RFX8: variants seen among roughly 807,000 people sequenced by gnomAD.
RFX8 encodes DNA-binding protein RFX8.
RFX8 carries 46 observed loss-of-function variants against 54.6 expected under a neutral mutation model. The ratio of observed to expected loss-of-function variants is 0.84; its 90% confidence interval spans 0.67 to 1.08. The LOEUF is 1.08. RFX8 is among the 50% of genes least tolerant of loss of function. The pLI is 0.00. For synonymous variants in RFX8, 192 were observed against 209.5 expected, an observed-to-expected ratio of 0.92 and a Z score of 0.72; for missense variants, 536 against 562.3, an observed-to-expected ratio of 0.95 and a Z score of 0.47.
chr2:101,410,762 G>T, intron 8 of RFX8, 49 bp from the exon 9 acceptor site: 1 of 970,628 alleles, frequency 1.0e-6, no homozygotes, highest in South Asian at 1.4e-5. Flanking sequence ...CAGCAGAGCA[G>T]AATTTCTCTT....
intron 2 of RFX8, among the ~76,000 whole-genome samples, chr2:101,428,703 TTAGC>T (rs1421079354): frequency 1.3e-5 from 2 of 152,222 alleles, no homozygotes; most frequent in Non-Finnish European, 2.9e-5. Flanking sequence ...CTTTTTAATT[TTAGC>T]TGAAGAAACA....
chr2:101,427,796 C>T (rs112010451), intron 2 of RFX8, among the ~76,000 whole-genome samples: 2,368 of 152,206 alleles, frequency 0.016, 70 homozygotes, highest in African/African-American at 0.054. Context: ...CTTAGCTTCC[C>T]GACTACAAAA....
chr2:101,428,898 A>T, intron 2 of RFX8: 1 of 1,034,850 alleles, frequency 9.7e-7, no homozygotes, highest in Non-Finnish European at 1.5e-6. Context: ...GAATTAAGCA[A>T]TCACTGGTAT....
intron 2 of RFX8, among the ~76,000 whole-genome samples, chr2:101,428,022 G>T (rs1244940269): frequency 6.7e-6 from 1 of 150,288 alleles, no homozygotes; most frequent in Non-Finnish European, 1.5e-5. Flanking sequence ...GGCTGAGCGT[G>T]GTGGCTCACT....
chr2:101,427,701 T>C (rs1687256661), intron 2 of RFX8, among the ~76,000 whole-genome samples: 1 of 152,004 alleles, frequency 6.6e-6, no homozygotes, highest in South Asian at 2.1e-4. Flanking sequence ...CCACAGCCCC[T>C]CTCCCGGACC....
chr2:101,453,539 A>G (rs1688812790), intron 2 of RFX8, among the ~76,000 whole-genome samples: 1 of 152,164 alleles, frequency 6.6e-6, no homozygotes, highest in African/African-American at 2.4e-5. Context: ...CTGAGAGTGC[A>G]TCGCACTCTA....
Position 101,402,549 on chromosome 2 carries a change from C to T in RFX8, c.1132G>A (p.Glu378Lys). Residue 378 changes from glutamate to lysine, a missense_variant, in exon 11 of 12, where the codon GAG becomes AAG. Glu to Lys is a moderately conservative substitution (Grantham distance 56, BLOSUM62 1). Transcript: ENST00000428343. The part of the protein sequence containing the change: ...LSQACASPSM[E>K]PLGVMPTHMG... ...TGTGTGGGCATCACCCCCAGTGGCT[C>T]CATGCTGGGGCTGGCACACGCCTGC... The T allele has an allele frequency of 1.3e-6, 2 of 1,551,828 alleles. No homozygotes were observed. Among genetic ancestry groups the T allele is most frequent in the Non-Finnish European group, 1.7e-6 (2 of 1,147,024 alleles).
intron 2 of RFX8, among the ~76,000 whole-genome samples, chr2:101,449,389 G>A (rs984576657): frequency 2.0e-5 from 3 of 152,162 alleles, no homozygotes; most frequent in African/African-American, 7.2e-5. Flanking sequence ...GGGATCACTG[G>A]AAATAATTTC....
At chr2:101,400,861 C>T (rs1489477684) in intron 11 of RFX8, among the ~76,000 whole-genome samples, 1 of 152,140 alleles carries the variant, frequency 6.6e-6, no homozygotes. Flanking sequence ...AGGGCTCTGC[C>T]GCCAGGTACA....
chr2:101,474,593 G>C (rs1690209167), intron 1 of RFX8, 43 bp downstream of exon 1: 1 of 266,194 alleles, frequency 3.8e-6, no homozygotes, highest in Non-Finnish European at 7.1e-6. Context: ...CACCGGCGTA[G>C]CAACCAGTCA....
At chr2:101,425,495 C>T (rs1001164868) in intron 2 of RFX8, among the ~76,000 whole-genome samples, 1 of 152,168 alleles carries the variant, frequency 6.6e-6, no homozygotes, top group African/African-American at 2.4e-5. Context: ...TTCACCATGG[C>T]ACATACAACA....
chr2:101,449,677 A>C (rs1017413536), intron 2 of RFX8, among the ~76,000 whole-genome samples: 2 of 152,166 alleles, frequency 1.3e-5, no homozygotes, highest in Non-Finnish European at 2.9e-5. Context: ...GTAGAGAGCC[A>C]GGGAGGAATG....
At position 101,402,465 on chromosome 2, in the gene RFX8, A is replaced by G. The variant is rs755915796; in HGVS notation, c.1216T>C (p.Phe406Leu). ...VSNMVLRILG[F>L]LVDTAMGNKL... ...TTGCCCATGGCAGTGTCCACCAGGA[A>G]GCCCAGGATCCTGAGGACCATGTTG... Residue 406 changes from phenylalanine to leucine, a missense_variant, in exon 11 of 12, where the codon TTC becomes CTC. Transcript: ENST00000428343. 4 of 1,550,098 alleles carry G rather than the reference A, an allele frequency of 2.6e-6. No homozygotes were observed. The highest frequency in any genetic ancestry group is 2.0e-5 in the Admixed American group (1 of 50,996).
chr2:101,463,746 A>T (rs1373573720), intron 2 of RFX8, among the ~76,000 whole-genome samples: 1 of 152,008 alleles, frequency 6.6e-6, no homozygotes, highest in Non-Finnish European at 1.5e-5. Flanking sequence ...CTATACAGCC[A>T]CTTACCTCCT....
At chr2:101,467,040 A>G in intron 1 of RFX8, 140 bp from the exon 2 acceptor site, 1 of 622,030 alleles carries the variant, frequency 1.6e-6, no homozygotes. Flanking sequence ...ATCCCTGCGA[A>G]GGCTCACAAC....
intron 2 of RFX8, among the ~76,000 whole-genome samples, chr2:101,459,190 C>T (rs1453756391): frequency 2.0e-5 from 3 of 152,038 alleles, no homozygotes; most frequent in Non-Finnish European, 4.4e-5. Context: ...TTGTTATTAC[C>T]GACCTTCTGA....
At chr2:101,466,986 G>T in intron 1 of RFX8, 86 bp from the exon 2 acceptor site, 1 of 667,994 alleles carries the variant, frequency 1.5e-6, no homozygotes, top group Non-Finnish European at 2.7e-6. Flanking sequence ...GTCAAGATGT[G>T]TATGAGGTTC....
intron 2 of RFX8, among the ~76,000 whole-genome samples, chr2:101,449,569 A>AAATC (rs1688568777): frequency 6.6e-6 from 1 of 152,170 alleles, no homozygotes; most frequent in Non-Finnish European, 1.5e-5. Flanking sequence ...TGAACTAAGA[A>AAATC]AATCAAGGGG....
chr2:101,422,385 C>T lies in RFX8; in HGVS notation c.160G>A (p.Ala54Thr), dbSNP rs570405134. Reference protein sequence around the residue: ...RRCPFLEQEQAKKYSCNMMAF... With the variant: ...RRCPFLEQEQTKKYSCNMMAF... ...ACCATATTACAGGAGTATTTCTTTG[C>T]CTGTTCTTGCTCCAGAAATGGACAT... Residue 54 changes from alanine (A) to threonine (T), a missense_variant, in exon 3 of 12, where the codon GCA becomes ACA. Coordinates refer to ENST00000428343, the MANE Select transcript of RFX8 (RefSeq NM_001145664.2). 1.9e-6 allele frequency: 3 copies of T among 1,538,792 alleles called. No individual in the cohort carries two copies. The highest frequency in any genetic ancestry group is 2.0e-5 in the Admixed American group (1 of 50,988).
Sources: allele counts gnomAD v4.1 joint callset (sites outside exome capture counted in the v4.1 genomes callset), GRCh38; gene constraint gnomAD v4.1.1; transcripts MANE v1.5; gene names NCBI Gene and HGNC (gene_info 2026-07-23, HGNC 2026-07-21).